ITGB6: variants seen among roughly 807,000 people sequenced by gnomAD.
The protein encoded by ITGB6 is integrin subunit beta 6.
ITGB6 carries 80 observed loss-of-function variants against 84.5 expected under a neutral mutation model. The ratio of observed to expected loss-of-function variants is 0.95; its 90% CI spans 0.79 to 1.14. The LOEUF (loss-of-function observed/expected upper bound fraction) is 1.14, where lower values mean the gene tolerates loss of function less well. Ranked by LOEUF, ITGB6 falls within the 50% of genes most tolerant of loss-of-function variation. ITGB6 has a pLI of 0.00. For synonymous variants in ITGB6, 383 were observed against 354.9 expected, an observed-to-expected ratio of 1.08 and a Z score of -0.89; for missense variants, 1,006 against 968.0, an observed-to-expected ratio of 1.04 and a Z score of -0.52.
intron 10 of ITGB6, among the ~76,000 whole-genome samples, chr2:160,137,064 GAA>G (rs57756134): frequency 7.0e-5 from 10 of 143,590 alleles, no homozygotes; most frequent in South Asian, 4.5e-4. Context: ...AAAAAAAAAA[GAA>G]AAAAAAAAAG....
At chr2:160,154,212 A>C (rs1034641224) in intron 7 of ITGB6, among the ~76,000 whole-genome samples, 4 of 152,264 alleles carry the variant, frequency 2.6e-5, no homozygotes, top group African/African-American at 9.6e-5. Flanking sequence ...GACTGGATTA[A>C]GAAAATGTGG....
intron 14 of ITGB6, among the ~76,000 whole-genome samples, chr2:160,105,116 A>G (rs1696859067): frequency 6.6e-6 from 1 of 152,226 alleles, no homozygotes; most frequent in African/African-American, 2.4e-5. Flanking sequence ...AAACTGAATT[A>G]TTTGAGTTAA....
At chr2:160,168,255 G>A (rs1685080157) in intron 7 of ITGB6, among the ~76,000 whole-genome samples, 1 of 152,172 alleles carries the variant, frequency 6.6e-6, no homozygotes, top group African/African-American at 2.4e-5. Context: ...GCAAGTTCAT[G>A]GGGCTGTACC....
intron 10 of ITGB6, 32 bp downstream of exon 10, chr2:160,137,402 C>T: frequency 6.4e-7 from 1 of 1,573,978 alleles, no homozygotes; most frequent in African/African-American, 1.3e-5. Context: ...CTTGAGCAGC[C>T]ACAGGGTAAG....
rs750222876 is a variant in ITGB6, at chr2:160,174,156, C to T, written c.594-17G>A. 3.2e-6 allele frequency: 5 copies of T among 1,564,644 alleles called. No homozygotes were observed. In the South Asian group the frequency reaches 5.8e-5, roughly 18 times the overall value. On this transcript the variant is annotated splice_polypyrimidine_tract_variant and intron_variant, in intron 4 of 14. Transcript: ENST00000283249. Reference sequence around the variant, plus strand: ...GGAATACTACTGCAAAAGTAAGATGCAAAAATACTGTTGATGAAATATGAT... The same window carrying T: ...GGAATACTACTGCAAAAGTAAGATGTAAAAATACTGTTGATGAAATATGAT...
chr2:160,116,522 A>T (rs1682776119), intron 12 of ITGB6, among the ~76,000 whole-genome samples: 1 of 152,240 alleles, frequency 6.6e-6, no homozygotes, highest in African/African-American at 2.4e-5. Context: ...AGCACTAAAC[A>T]TGGAAAGGAA....
chr2:160,179,547 A>ATT (rs575984830), intron 4 of ITGB6, among the ~76,000 whole-genome samples: 3 of 136,676 alleles, frequency 2.2e-5, no homozygotes, highest in South Asian at 2.4e-4. Flanking sequence ...CGTCCAGCTA[A>ATT]TTTTTTTTTT....
intron 10 of ITGB6, among the ~76,000 whole-genome samples, chr2:160,132,866 G>A (rs752015923): frequency 1.3e-4 from 20 of 151,920 alleles, no homozygotes; most frequent in Non-Finnish European, 2.2e-4. Flanking sequence ...AAGATATTCC[G>A]AGTAATTTTC....
At chr2:160,134,689 TC>T (rs1683629932) in intron 10 of ITGB6, among the ~76,000 whole-genome samples, 1 of 152,092 alleles carries the variant, frequency 6.6e-6, no homozygotes, top group South Asian at 2.1e-4. Flanking sequence ...CAGCTGCACA[TC>T]AAAAAGCTTA....
chr2:160,173,909 G>T, intron 5 of ITGB6, 65 bp downstream of exon 5: 2 of 1,357,266 alleles, frequency 1.5e-6, no homozygotes, highest in Non-Finnish European at 2.0e-6. Flanking sequence ...TCTTTTTGAA[G>T]TAGAATTATT....
chr2:160,142,820 A>T (rs1013328161), intron 7 of ITGB6, among the ~76,000 whole-genome samples: 2 of 152,202 alleles, frequency 1.3e-5, no homozygotes, highest in Admixed American at 1.3e-4. Flanking sequence ...CAAAGAAGGG[A>T]ATTTTCCAGA....
chr2:160,159,793 A>G (rs1684752794), intron 7 of ITGB6, among the ~76,000 whole-genome samples: 1 of 152,124 alleles, frequency 6.6e-6, no homozygotes, highest in Non-Finnish European at 1.5e-5. Context: ...GGAAAGTCTC[A>G]CTTTCTCCCC....
chr2:160,189,952 C>A (rs1190858353), intron 4 of ITGB6, among the ~76,000 whole-genome samples: 1 of 152,020 alleles, frequency 6.6e-6, no homozygotes, highest in Admixed American at 6.6e-5. Flanking sequence ...TTGGAACCAC[C>A]CCAAATGTCC....
intron 10 of ITGB6, among the ~76,000 whole-genome samples, chr2:160,127,380 A>G (rs1030739657): frequency 2.6e-5 from 4 of 152,184 alleles, no homozygotes; most frequent in African/African-American, 9.7e-5. Flanking sequence ...ATCTTAACAC[A>G]GGTACTCCCT....
At chr2:160,187,208 G>T (rs909762043) in intron 4 of ITGB6, among the ~76,000 whole-genome samples, 2 of 151,876 alleles carry the variant, frequency 1.3e-5, no homozygotes, top group Non-Finnish European at 2.9e-5. Flanking sequence ...GATTTTTTTT[G>T]ATATTGTATC....
intron 10 of ITGB6, among the ~76,000 whole-genome samples, chr2:160,136,076 C>T (rs1486326168): frequency 6.6e-6 from 1 of 152,168 alleles, no homozygotes; most frequent in Non-Finnish European, 1.5e-5. Flanking sequence ...AACTAAAGAG[C>T]TTCTGCACAG....
chr2:160,173,976 TACAC>T lies in ITGB6; in HGVS notation c.753_756del (p.Cys252ArgfsTer17). The stretch of plus-strand genomic sequence containing the variant: ...AAACAGCACTCCCTTCAGCATACCT[TACAC>T]ACAGCAGCTTGCATAATTGCATCAA... On this transcript the variant is annotated frameshift_variant, in exon 5 of 15. Transcript: ENST00000283249. LOFTEE classifies it high-confidence loss of function. 6.2e-7 allele frequency: 1 copy of T among 1,613,072 alleles called. No individual in the cohort carries two copies. The highest frequency in any genetic ancestry group is 8.5e-7 in the Non-Finnish European group (1 of 1,179,770).
intron 10 of ITGB6, among the ~76,000 whole-genome samples, chr2:160,128,294 A>T (rs1683317347): frequency 6.7e-6 from 1 of 149,508 alleles, no homozygotes; most frequent in East Asian, 1.9e-4. Context: ...AAAAGGTTCT[A>T]TGCATTTCAG....
chr2:160,171,459 C>T (rs1030840549), intron 6 of ITGB6, among the ~76,000 whole-genome samples: 6 of 151,906 alleles, frequency 3.9e-5, no homozygotes, highest in Admixed American at 6.6e-5. Flanking sequence ...CTCAGCCTCC[C>T]GAGTAGTTGG....
Sources: allele counts gnomAD v4.1 joint callset (sites outside exome capture counted in the v4.1 genomes callset), GRCh38; gene constraint gnomAD v4.1.1; transcripts MANE v1.5; gene names NCBI Gene and HGNC (gene_info 2026-07-23, HGNC 2026-07-21).